ELF2: variants seen among roughly 807,000 people sequenced by gnomAD.
ELF2 encodes E74 like ETS transcription factor 2.
In ELF2, 11 loss-of-function variants were observed where a neutral mutation model predicts 54.8. The observed-to-expected ratio is 0.20, with a 90% confidence interval of 0.13 to 0.33. The LOEUF (loss-of-function observed/expected upper bound fraction) is 0.33, where lower values mean the gene tolerates loss of function less well. Among genes scored for constraint, ELF2 ranks in the 10% least tolerant of loss-of-function variants. The probability of loss-of-function intolerance (pLI) is 1.00; values close to 1 mark genes in which losing one functional copy is unlikely to be tolerated. For synonymous variants in ELF2, 203 were observed against 245.1 expected (o/e 0.83, Z 1.61); for missense variants, 513 against 703.0 (o/e 0.73, Z 3.06).
intron 7 of ELF2, chr4:139,066,694 C>T (rs1350069433): frequency 6.6e-6 from 1 of 151,204 alleles, no homozygotes; most frequent in Non-Finnish European, 1.5e-5. Flanking sequence ...CGAGATCCGC[C>T]TGGGCAACAA....
At chr4:139,146,240 G>A (rs573180090) in intron 1 of ELF2, among the ~76,000 whole-genome samples, 5 of 152,156 alleles carry the variant, frequency 3.3e-5, no homozygotes, top group Non-Finnish European at 7.3e-5. Context: ...CGACCAAGCT[G>A]AGAATCAAAT....
chr4:139,086,076 T>G (rs1731946700), intron 4 of ELF2, among the ~76,000 whole-genome samples: 1 of 152,178 alleles, frequency 6.6e-6, no homozygotes, highest in African/African-American at 2.4e-5. Context: ...TTAAATCCAT[T>G]TTACTACTAT....
chr4:139,127,747 C>G (rs912665436), intron 3 of ELF2, among the ~76,000 whole-genome samples: 6 of 151,916 alleles, frequency 3.9e-5, no homozygotes, highest in African/African-American at 1.5e-4. Flanking sequence ...GGCAGATCAC[C>G]TGAGGTCAGG....
chr4:139,132,687 A>G (rs775058266), intron 3 of ELF2, among the ~76,000 whole-genome samples: 14 of 151,894 alleles, frequency 9.2e-5, no homozygotes, highest in Non-Finnish European at 1.6e-4. Flanking sequence ...CTGTCTTCAT[A>G]TGGCGGTAAT....
At chr4:139,177,432 A>G (rs1055090850), upstream of ELF2, among the ~76,000 whole-genome samples, 2 of 149,650 alleles carry the variant, frequency 1.3e-5, no homozygotes, top group African/African-American at 2.5e-5. Context: ...GGCTATTTAT[A>G]CCCCGCGGGG....
intron 4 of ELF2, among the ~76,000 whole-genome samples, chr4:139,121,776 T>C (rs1367028217): frequency 6.6e-6 from 1 of 152,188 alleles, no homozygotes; most frequent in Non-Finnish European, 1.5e-5. Context: ...CACAAGCAAT[T>C]TACTATATGT....
chr4:139,091,943 A>C (rs888109884), intron 4 of ELF2, among the ~76,000 whole-genome samples: 8 of 149,178 alleles, frequency 5.4e-5, no homozygotes, highest in African/African-American at 2.0e-4. Context: ...ATACACATAT[A>C]TATACACACA....
At chr4:139,132,941 G>C (rs964028651) in intron 3 of ELF2, among the ~76,000 whole-genome samples, 3 of 149,506 alleles carry the variant, frequency 2.0e-5, no homozygotes, top group Non-Finnish European at 4.4e-5. Context: ...CCCCAGGCTG[G>C]AGTGCAGTGG....
chr4:139,084,509 C>T (rs998781376), intron 4 of ELF2: 4 of 825,766 alleles, frequency 4.8e-6, no homozygotes, highest in Admixed American at 1.1e-4. Flanking sequence ...CCTTCCGCCC[C>T]GCGCCCAAAC....
intron 4 of ELF2, among the ~76,000 whole-genome samples, chr4:139,107,535 T>A (rs974304162): frequency 6.6e-6 from 1 of 151,938 alleles, no homozygotes; most frequent in African/African-American, 2.4e-5. Context: ...TACAAAAAAA[T>A]CAAACTAAAA....
At chr4:139,064,601 C>T (rs565762542) in intron 7 of ELF2, among the ~76,000 whole-genome samples, 4 of 152,114 alleles carry the variant, frequency 2.6e-5, no homozygotes, top group Non-Finnish European at 5.9e-5. Context: ...GACCTTCGGC[C>T]GGGCGTGTTG....
At chr4:139,077,803 TCTTA>T (rs146764264) in intron 4 of ELF2, among the ~76,000 whole-genome samples, 3 of 152,300 alleles carry the variant, frequency 2.0e-5, no homozygotes, top group African/African-American at 7.2e-5. Context: ...GAATTCCTTA[TCTTA>T]CTTAAAACTT....
intron 4 of ELF2, among the ~76,000 whole-genome samples, chr4:139,074,942 G>A (rs1730080466): frequency 6.6e-6 from 1 of 152,144 alleles, no homozygotes; most frequent in Admixed American, 6.5e-5. Flanking sequence ...GGTATACTGA[G>A]GGACAACTGT....
chr4:139,177,750 C>A (rs1433158498), upstream of ELF2, among the ~76,000 whole-genome samples: 1 of 152,144 alleles, frequency 6.6e-6, no homozygotes, highest in Non-Finnish European at 1.5e-5. Context: ...ACTCAGGGCC[C>A]CCGCAGGCCC....
At chr4:139,084,408 TA>T in intron 4 of ELF2, 2 of 1,374,122 alleles carry the variant, frequency 1.5e-6, no homozygotes, top group Non-Finnish European at 1.9e-6. Context: ...CCCCACCACC[TA>T]ACGGCAGGGG....
chr4:139,121,195 G>C (rs996222720), intron 4 of ELF2, among the ~76,000 whole-genome samples: 2 of 127,906 alleles, frequency 1.6e-5, no homozygotes, highest in Admixed American at 9.5e-5. Flanking sequence ...TGCAAGCTCC[G>C]CCTCCCGGGT....
chr4:139,085,080 T>C (rs1263257378), intron 4 of ELF2, among the ~76,000 whole-genome samples: 1 of 152,234 alleles, frequency 6.6e-6, no homozygotes, highest in Non-Finnish European at 1.5e-5. Flanking sequence ...AACAAATTTA[T>C]ATTGTCATTT....
chr4:139,148,715 T>C (rs1013856926), intron 1 of ELF2, among the ~76,000 whole-genome samples: 1 of 152,156 alleles, frequency 6.6e-6, no homozygotes, highest in Non-Finnish European at 1.5e-5. Flanking sequence ...ACATATGTTC[T>C]ATATGAATGT....
At chr4:139,109,354 C>T (rs1323889383) in intron 4 of ELF2, among the ~76,000 whole-genome samples, 1 of 152,124 alleles carries the variant, frequency 6.6e-6, no homozygotes, top group Admixed American at 6.5e-5. Flanking sequence ...CATTAAGAAG[C>T]AGCAGACTTA....
Sources: gnomAD v4.1 joint callset for allele counts (sites outside exome capture counted in the v4.1 genomes callset) on GRCh38, gnomAD v4.1.1 for gene constraint, MANE v1.5 for transcripts, NCBI Gene and HGNC (gene_info 2026-07-23, HGNC 2026-07-21) for gene names.